The following PARVA variants were observed in gnomAD, a reference collection of about 807,000 sequenced individuals.
PARVA encodes the protein parvin alpha.
PARVA carries 25 observed loss-of-function variants against 52.6 expected under a neutral mutation model. The observed-to-expected ratio is 0.48, with a 90% CI of 0.35 to 0.66. The LOEUF is 0.66. Ranked by LOEUF, PARVA falls within the 30% of genes least tolerant of loss-of-function variation. The pLI, the probability that PARVA is intolerant of heterozygous loss-of-function variation, is 0.01. For missense variants in PARVA, 373 were observed against 450.9 expected, an observed-to-expected ratio of 0.83 and a Z score of 1.56; for synonymous variants, 185 against 179.1, an observed-to-expected ratio of 1.03 and a Z score of -0.26.
chr11:12,410,353 A>G (rs1939976097), intron 1 of PARVA, among the ~76,000 whole-genome samples: 1 of 152,118 alleles, frequency 6.6e-6, no homozygotes, highest in Non-Finnish European at 1.5e-5. Flanking sequence ...CATTCCCTCC[A>G]AGGTCTGCCT....
chr11:12,402,705 T>C (rs1384871651), intron 1 of PARVA, among the ~76,000 whole-genome samples: 3 of 152,216 alleles, frequency 2.0e-5, no homozygotes, highest in Non-Finnish European at 2.9e-5. Flanking sequence ...TGTGAAGCAG[T>C]GAGCTGTTTT....
At chr11:12,520,542 T>C (rs979049391) in intron 12 of PARVA, among the ~76,000 whole-genome samples, 1 of 152,162 alleles carries the variant, frequency 6.6e-6, no homozygotes, top group Non-Finnish European at 1.5e-5. Flanking sequence ...TGCCTTGAAA[T>C]CCCCTAGAAA....
At chr11:12,399,292 A>G (rs1939792516) in intron 1 of PARVA, among the ~76,000 whole-genome samples, 1 of 152,384 alleles carries the variant, frequency 6.6e-6, no homozygotes, top group Admixed American at 6.5e-5. Flanking sequence ...AAATATAACA[A>G]TATTTTCCCA....
At chr11:12,378,466 T>C (rs1939437168) in intron 1 of PARVA, among the ~76,000 whole-genome samples, 1 of 152,088 alleles carries the variant, frequency 6.6e-6, no homozygotes. Flanking sequence ...GGAGAAAACC[T>C]GCGTGAGACA....
Position 12,505,629 on chromosome 11 carries a change from C to T in PARVA, c.657+1200C>T, listed in dbSNP as rs184250528. On this transcript the variant is annotated intron_variant, in intron 6 of 12. Transcript: ENST00000334956. ...ATGGGAATGTGTGTGGCTCAGATAC[C>T]GAGTGCCACTGGCCAAAAGGTCCTA... 2.4e-4 allele frequency among the ~76,000 whole-genome samples: 37 copies of T among 152,234 alleles called. 1 individual carries two copies. In the East Asian group the frequency reaches 3.5e-3, roughly 14 times the overall value.
At chr11:12,475,229 A>T (rs1311073702) in intron 3 of PARVA, among the ~76,000 whole-genome samples, 1 of 152,082 alleles carries the variant, frequency 6.6e-6, no homozygotes, top group Admixed American at 6.5e-5. Flanking sequence ...AATGCAGTCC[A>T]CTCTGAGTAG....
intron 12 of PARVA, 34 bp from the exon 13 acceptor site, chr11:12,527,815 T>A: frequency 6.5e-7 from 1 of 1,532,170 alleles, no homozygotes; most frequent in Non-Finnish European, 9.0e-7. Flanking sequence ...TGTGGCCCCA[T>A]GGAAACAATT....
intron 12 of PARVA, among the ~76,000 whole-genome samples, chr11:12,525,221 A>G (rs1345053100): frequency 6.6e-6 from 1 of 152,142 alleles, no homozygotes; most frequent in Admixed American, 6.5e-5. Flanking sequence ...TTCTAAGGGA[A>G]ATAGTTGTAT....
chr11:12,534,235 G>C lies in PARVA; in HGVS notation c.*6310G>C, dbSNP rs1941809297. ...GACCTGCCCAGTTCAAATCATTGTT[G>C]TTCAAGGGTCAATTGTATATTATTT... On this transcript the variant is annotated 3_prime_UTR_variant, in exon 13 of 13. Coordinates refer to ENST00000334956, the MANE Select transcript of PARVA (RefSeq NM_018222.5). Among the ~76,000 whole-genome samples the C allele has an allele frequency of 6.6e-6, 1 of 152,162 alleles. No individual in the cohort carries two copies. The highest frequency in any genetic ancestry group is 2.1e-4 in the South Asian group (1 of 4,836).
chr11:12,491,318 C>T (rs570340760), intron 4 of PARVA, among the ~76,000 whole-genome samples: 23 of 152,250 alleles, frequency 1.5e-4, no homozygotes, highest in African/African-American at 5.3e-4. Context: ...GTGTGTGCCA[C>T]CATGCCCAGC....
At position 12,529,918 on chromosome 11, in the gene PARVA, T is replaced by C. The variant is rs1375791550; in HGVS notation, c.*1993T>C. 2.0e-5 allele frequency: 3 copies of C among 152,216 alleles called. No individual in the cohort carries two copies. 9.4% of individuals were successfully genotyped at this position (152,216 alleles called of 1,614,324 possible). A position where few individuals can be genotyped will look rare whatever the true frequency, so the allele number is the denominator to read the frequency against. On this transcript the variant is annotated 3_prime_UTR_variant, in exon 13 of 13. Transcript: ENST00000334956. Reference sequence around the variant, plus strand: ...AACACTAAATAGTGTAATATTTCTTTTGCTTTTAAAAAAATTCCTGGTAGC... The same window carrying C: ...AACACTAAATAGTGTAATATTTCTTCTGCTTTTAAAAAAATTCCTGGTAGC...
intron 1 of PARVA, among the ~76,000 whole-genome samples, chr11:12,396,538 G>A (rs941093221): frequency 6.6e-6 from 1 of 152,198 alleles, no homozygotes; most frequent in African/African-American, 2.4e-5. Flanking sequence ...AAAATGGCAT[G>A]ACTAGCACTG....
chr11:12,397,324 A>C (rs550068208), intron 1 of PARVA, among the ~76,000 whole-genome samples: 1 of 152,308 alleles, frequency 6.6e-6, no homozygotes, highest in South Asian at 2.1e-4. Context: ...CAGCCTCTCC[A>C]GTAGCTGGGG....
chr11:12,491,417 C>T (rs902279919), intron 4 of PARVA, among the ~76,000 whole-genome samples: 5 of 152,288 alleles, frequency 3.3e-5, no homozygotes, highest in Non-Finnish European at 5.9e-5. Flanking sequence ...GTCCTCCTGC[C>T]TCAGCTTCCC....
intron 12 of PARVA, among the ~76,000 whole-genome samples, chr11:12,526,348 C>T (rs938147158): frequency 6.6e-6 from 1 of 152,180 alleles, no homozygotes; most frequent in Non-Finnish European, 1.5e-5. Flanking sequence ...CTGACACCTT[C>T]CCCCACCCCT....
Position 12,452,192 on chromosome 11 carries a change from C to T in PARVA, c.137-21553C>T, listed in dbSNP as rs546025933. Among the ~76,000 whole-genome samples the T allele has an allele frequency of 2.6e-4, 39 of 152,128 alleles. 1 individual carries two copies. In the South Asian group the frequency reaches 7.1e-3, roughly 28 times the overall value. ...AGGTATACGGTTCCAGGGCCTGCCTCCAGGCAGGGCTTAGCATTAAGCCAA... is the reference window on the plus strand; with the variant it reads ...AGGTATACGGTTCCAGGGCCTGCCTTCAGGCAGGGCTTAGCATTAAGCCAA... On this transcript the variant is annotated intron_variant, in intron 1 of 12. Transcript: ENST00000334956.
intron 1 of PARVA, among the ~76,000 whole-genome samples, chr11:12,449,358 T>C (rs894301207): frequency 6.6e-6 from 1 of 151,988 alleles, no homozygotes; most frequent in South Asian, 2.1e-4. Context: ...GGTTTTGCCA[T>C]GTTGGATAGG....
intron 1 of PARVA, among the ~76,000 whole-genome samples, chr11:12,393,048 A>G (rs1939683872): frequency 8.1e-6 from 1 of 122,790 alleles, no homozygotes; most frequent in African/African-American, 4.2e-5. Flanking sequence ...AATTGTGAAA[A>G]AAAAAAAAAA....
At position 12,487,264 on chromosome 11, in the gene PARVA, C is replaced by T. The variant is rs568914920; in HGVS notation, c.401-9194C>T. On this transcript the variant is annotated intron_variant, in intron 4 of 12. Transcript: ENST00000334956. The stretch of plus-strand genomic sequence containing the variant: ...ACTTTGAGAGTCACTTTTCTATGCC[C>T]TAAAATGCTGGGCTGAAGTGGCAGC... Among the ~76,000 whole-genome samples, 186 of 152,236 alleles carry T rather than the reference C, an allele frequency of 1.2e-3. 2 individuals are homozygous for T. The highest frequency in any genetic ancestry group is 2.1e-3 in the Non-Finnish European group (145 of 68,016).
Sources: gnomAD v4.1 joint callset for allele counts (sites outside exome capture counted in the v4.1 genomes callset) on GRCh38, gnomAD v4.1.1 for gene constraint, MANE v1.5 for transcripts, NCBI Gene and HGNC (gene_info 2026-07-23, HGNC 2026-07-21) for gene names.